Variants in NAF1 observed in about 807,000 individuals in gnomAD.
The protein encoded by NAF1 is nuclear assembly factor 1 ribonucleoprotein.
In NAF1, 11 loss-of-function variants were observed where a neutral mutation model predicts 40.6. The observed-to-expected ratio is 0.27, with a 90% CI of 0.17 to 0.45. NAF1 has a LOEUF of 0.45. NAF1 is among the 20% of genes least tolerant of loss of function. The pLI is 1.00. For missense variants in NAF1, 607 were observed against 611.1 expected (o/e 0.99, Z 0.07); for synonymous variants, 260 against 228.5 (o/e 1.14, Z -1.24).
At chr4:163,153,923 C>T (rs1354489220) in intron 2 of NAF1, among the ~76,000 whole-genome samples, 12 of 152,132 alleles carry the variant, frequency 7.9e-5, no homozygotes, top group Non-Finnish European at 1.8e-4. Context: ...ACACTCACCG[C>T]GAAGATCTGC....
At chr4:163,107,170 A>G (rs190100505), downstream of NAF1, among the ~76,000 whole-genome samples, 61 of 152,290 alleles carry the variant, frequency 4.0e-4, no homozygotes, top group Non-Finnish European at 6.0e-4. Flanking sequence ...TACTTTTAGT[A>G]CAGGCGGGGT....
Position 163,154,406 on chromosome 4 carries a change from G to C in NAF1, c.541-5972C>G, listed in dbSNP as rs932091775. ...TAAATAGTATATACAAAATATGTAA[G>C]AGGTAAGTGAAACCATCCTTGTATA... On this transcript the variant is annotated intron_variant, in intron 2 of 7. Coordinates refer to ENST00000274054, the MANE Select transcript of NAF1 (RefSeq NM_138386.3). Among the ~76,000 whole-genome samples the C allele has an allele frequency of 8.5e-5, 13 of 152,308 alleles. No homozygotes were observed. The South Asian group carries it at 2.7e-3, about 32-fold the overall frequency.
downstream of NAF1, among the ~76,000 whole-genome samples, chr4:163,108,000 C>T (rs1008462711): frequency 1.3e-5 from 2 of 152,164 alleles, no homozygotes; most frequent in South Asian, 2.1e-4. Flanking sequence ...ATAGATACTA[C>T]TTTCAATATT....
chr4:163,116,200 T>C (rs1450576852), intron 2 of NAF1, among the ~76,000 whole-genome samples: 50 of 152,300 alleles, frequency 3.3e-4, no homozygotes, highest in Non-Finnish European at 1.3e-4. Context: ...AACTAATTAA[T>C]AGGTCCAAAA....
chr4:163,166,381 G>C lies in NAF1; in HGVS notation c.347C>G (p.Ser116Trp). Residue 116 changes from serine (S) to tryptophan (W), a missense_variant, in exon 1 of 8, where the codon TCG becomes TGG. Ser to Trp is a radical substitution (Grantham distance 177, BLOSUM62 -3). Coordinates refer to ENST00000274054, the MANE Select transcript of NAF1 (RefSeq NM_138386.3). ...RAPDSLETSD[S>W]DSDSDSETDS... is the part of the protein sequence containing the mutation. Reference sequence around the variant, plus strand: ...ACCCGACCTGTCCGAGTCCGAATCCGAGTCCGAGGTCTCCAAGGAGTCCGG... The same window carrying C: ...ACCCGACCTGTCCGAGTCCGAATCCCAGTCCGAGGTCTCCAAGGAGTCCGG... The C allele has an allele frequency of 6.2e-7, 1 of 1,604,234 alleles. No individual in the cohort carries two copies. Among genetic ancestry groups the C allele is most frequent in the Non-Finnish European group, 8.5e-7 (1 of 1,174,810 alleles).
intron 4 of NAF1, among the ~76,000 whole-genome samples, chr4:163,140,731 G>T (rs993486085): frequency 2.0e-5 from 3 of 151,990 alleles, no homozygotes; most frequent in African/African-American, 7.3e-5. Context: ...ACACAGAAAA[G>T]GATTATAATT....
At chr4:163,125,161 A>C (rs1371576476), downstream of NAF1, among the ~76,000 whole-genome samples, 1 of 152,198 alleles carries the variant, frequency 6.6e-6, no homozygotes, top group African/African-American at 2.4e-5. Context: ...CTATTTCGTG[A>C]AACAGCAACA....
intron 2 of NAF1, among the ~76,000 whole-genome samples, chr4:163,116,560 A>G (rs1329814181): frequency 6.6e-6 from 1 of 152,088 alleles, no homozygotes; most frequent in Non-Finnish European, 1.5e-5. Context: ...CTCTTCCTCA[A>G]TTCCAACTTT....
downstream of NAF1, chr4:163,127,054 T>G: frequency 1.3e-6 from 2 of 1,551,698 alleles, no homozygotes; most frequent in Non-Finnish European, 1.7e-6. Flanking sequence ...AAAGTTTGTG[T>G]GACTCACTTG....
chr4:163,120,864 T>C (rs936041000), intron 2 of NAF1, among the ~76,000 whole-genome samples: 2 of 152,152 alleles, frequency 1.3e-5, no homozygotes, highest in Admixed American at 6.6e-5. Context: ...TTATTGCTGC[T>C]AGTAGCTCAA....
At chr4:163,147,829 A>G (rs1429069889) in intron 3 of NAF1, among the ~76,000 whole-genome samples, 1 of 152,214 alleles carries the variant, frequency 6.6e-6, no homozygotes, top group Non-Finnish European at 1.5e-5. Flanking sequence ...AGATAATGGA[A>G]GAAGGCTCAG....
intron 5 of NAF1, among the ~76,000 whole-genome samples, chr4:163,137,619 C>T (rs1731110156): frequency 6.6e-6 from 1 of 152,040 alleles, no homozygotes; most frequent in South Asian, 2.1e-4. Flanking sequence ...GTTCCATGTG[C>T]GAAGGACATA....
chr4:163,158,838 A>G (rs1276096879), intron 2 of NAF1, among the ~76,000 whole-genome samples: 2 of 152,198 alleles, frequency 1.3e-5, no homozygotes, highest in South Asian at 2.1e-4. Context: ...GTAAAATGCC[A>G]CAGAGTATTA....
rs545160488 is a variant in NAF1 at position 163,166,508 on chromosome 4, C to G, written c.220G>C (p.Val74Leu). The stretch of plus-strand genomic sequence containing the variant: ...TGCGGCGCCGGGGTCCCGGCCGCGA[C>G]GGCGTTCAGAACGGGCTGCAGAGGC... ...EQPLQPVLNA[V>L]AAGTPAPQPQ... The change falls in exon 1 of 8, where the codon GTC becomes CTC. Residue 74 changes from valine (V) to leucine (L), a missense_variant. Physicochemically the swap from Val to Leu is conservative, Grantham distance 32 (BLOSUM62 1). Coordinates refer to ENST00000274054, the MANE Select transcript of NAF1 (RefSeq NM_138386.3). 8.8e-6 allele frequency: 14 copies of G among 1,598,950 alleles called. No individual in the cohort carries two copies. In the South Asian group the frequency reaches 1.4e-4, roughly 17 times the overall value.
chr4:163,131,849 T>C (rs1730887555), intron 7 of NAF1, among the ~76,000 whole-genome samples: 1 of 152,220 alleles, frequency 6.6e-6, no homozygotes, highest in Admixed American at 6.5e-5. Flanking sequence ...TATACATTTT[T>C]AAATTCTCGT....
At chr4:163,117,062 C>T (rs1052521126) in intron 2 of NAF1, among the ~76,000 whole-genome samples, 4 of 152,168 alleles carry the variant, frequency 2.6e-5, no homozygotes, top group African/African-American at 9.7e-5. Context: ...TCTTCATACC[C>T]GTCATACCTA....
chr4:163,161,564 A>G (rs1309288134), intron 2 of NAF1, among the ~76,000 whole-genome samples: 1 of 152,170 alleles, frequency 6.6e-6, no homozygotes, highest in East Asian at 1.9e-4. Flanking sequence ...GAGAACTGTG[A>G]GACTATCCAG....
chr4:163,105,694 C>A (rs1438697683), downstream of NAF1, among the ~76,000 whole-genome samples: 2 of 152,144 alleles, frequency 1.3e-5, no homozygotes, highest in Non-Finnish European at 2.9e-5. Flanking sequence ...CTATTTAACT[C>A]AAATAAATTT....
chr4:163,138,039 T>C (rs1250376850), intron 5 of NAF1, among the ~76,000 whole-genome samples: 2 of 152,188 alleles, frequency 1.3e-5, no homozygotes, highest in African/African-American at 2.4e-5. Context: ...TACTATTTTG[T>C]TATTCCATTA....
Sources: allele counts gnomAD v4.1 joint callset (sites outside exome capture counted in the v4.1 genomes callset), GRCh38; gene constraint gnomAD v4.1.1; transcripts MANE v1.5; gene names NCBI Gene and HGNC (gene_info 2026-07-23, HGNC 2026-07-21).